Variants in KMT2C observed in about 807,000 individuals in gnomAD.
KMT2C encodes the protein histone-lysine N-methyltransferase 2C.
Under a neutral mutation model 507.9 loss-of-function variants are expected in KMT2C, and 88 were observed. The ratio of observed to expected loss-of-function variants is 0.17; its 90% confidence interval spans 0.15 to 0.21. The LOEUF is 0.21. Ranked by LOEUF, KMT2C falls within the 10% of genes least tolerant of loss-of-function variation. The pLI is 1.00. For missense variants in KMT2C, 4,954 were observed against 5,957.8 expected (o/e 0.83, Z 5.55); for synonymous variants, 2,049 against 2,080.8 (o/e 0.98, Z 0.42).
At position 152,315,188 on chromosome 7, in the gene KMT2C, G is replaced by C. The variant is rs2129202519; in HGVS notation, c.540C>G (p.Thr180=). The part of the protein sequence containing the change: ...KKDIDDNSNG[T]YEKMQNSAPR... ...GTGCTGAGTTTTGCATTTTCTCATA[G>C]GTTCCATTGCTGTTGTCATCAATGT... is the stretch of plus-strand genomic sequence containing the variant. The change falls in exon 4 of 59, where the codon ACC becomes ACG. Residue 180 remains threonine, a synonymous_variant. Coordinates refer to ENST00000262189, the MANE Select transcript of KMT2C (RefSeq NM_170606.3). 4.3e-6 allele frequency: 7 copies of C among 1,614,002 alleles called. No individual in the cohort carries two copies. Among genetic ancestry groups the C allele is most frequent in the Non-Finnish European group, 5.1e-6 (6 of 1,179,964 alleles).
chr7:152,200,216 G>A (rs2129133604), intron 26 of KMT2C, among the ~76,000 whole-genome samples: 1 of 152,196 alleles, frequency 6.6e-6, no homozygotes, highest in South Asian at 2.1e-4. Context: ...ACACATTCTT[G>A]CCAAACATGC....
Position 152,303,373 on chromosome 7 carries a change from A to C in KMT2C, c.849+6593T>G, listed in dbSNP as rs545553816. 5.3e-5 allele frequency among the ~76,000 whole-genome samples: 8 copies of C among 152,318 alleles called. No individual in the cohort carries two copies. In the East Asian group the frequency reaches 1.5e-3, roughly 29 times the overall value. On this transcript the variant is annotated intron_variant, in intron 6 of 58. Transcript: ENST00000262189. ...GGGAGGCTGTCCTGCATATTGCAGA[A>C]TGTTTAGCGGCAGTCCTGGCCTCTA...
At chr7:152,364,108 TGA>T (rs2097217786) in intron 1 of KMT2C, among the ~76,000 whole-genome samples, 2 of 152,340 alleles carry the variant, frequency 1.3e-5, no homozygotes, top group African/African-American at 4.8e-5. Context: ...CAACTTATCC[TGA>T]GAGTGACTCT....
At chr7:152,272,212 C>T (rs115088346) in intron 7 of KMT2C, among the ~76,000 whole-genome samples, 1 of 152,162 alleles carries the variant, frequency 6.6e-6, no homozygotes, top group East Asian at 1.9e-4. Flanking sequence ...AGCATATTAT[C>T]TCACCTCAGT....
intron 14 of KMT2C, among the ~76,000 whole-genome samples, chr7:152,246,348 A>C (rs973159672): frequency 1.3e-5 from 2 of 152,150 alleles, no homozygotes; most frequent in African/African-American, 4.8e-5. Context: ...AGAAAAATAG[A>C]AAGATTATCA....
intron 1 of KMT2C, among the ~76,000 whole-genome samples, chr7:152,427,200 G>A (rs2097827302): frequency 6.6e-6 from 1 of 152,026 alleles, no homozygotes; most frequent in Admixed American, 6.6e-5. Context: ...AGTTTTAGTA[G>A]AGACGGGGTT....
intron 23 of KMT2C, among the ~76,000 whole-genome samples, chr7:152,217,204 G>A (rs574545585): frequency 2.0e-5 from 3 of 152,042 alleles, no homozygotes; most frequent in African/African-American, 4.8e-5. Flanking sequence ...AGAAATCTCA[G>A]CATAATGTAA....
chr7:152,296,467 A>G (rs188189998), intron 6 of KMT2C, among the ~76,000 whole-genome samples: 97 of 151,108 alleles, frequency 6.4e-4, no homozygotes, highest in African/African-American at 2.2e-3. Flanking sequence ...GAGAGAGAGA[A>G]ATATGCTAGG....
At chr7:152,385,946 G>T (rs930357968) in intron 1 of KMT2C, among the ~76,000 whole-genome samples, 1 of 151,800 alleles carries the variant, frequency 6.6e-6, no homozygotes, top group African/African-American at 2.4e-5. Context: ...AAATTAGCCT[G>T]GCGTGGTAGC....
At chr7:152,290,771 A>G (rs200439787) in intron 6 of KMT2C, among the ~76,000 whole-genome samples, 5 of 151,604 alleles carry the variant, frequency 3.3e-5, no homozygotes, top group Non-Finnish European at 4.4e-5. Flanking sequence ...TCATTCTTAT[A>G]GTATCTTTTA....
At position 152,203,770 on chromosome 7, in the gene KMT2C, G is replaced by A. The variant is rs935466464; in HGVS notation, c.3962-706C>T. ...TATGGGCACTCTACCACCAGACTAC[G>A]TAAGTGAATTGACTCTTCTGAAAAC... On this transcript the variant is annotated intron_variant, in intron 25 of 58. Transcript: ENST00000262189. Among the ~76,000 whole-genome samples the A allele has an allele frequency of 4.6e-5, 7 of 152,202 alleles. No individual in the cohort carries two copies. The East Asian group carries it at 5.8e-4, about 13-fold the overall frequency.
At chr7:152,340,285 T>C (rs1020436767) in intron 2 of KMT2C, among the ~76,000 whole-genome samples, 2 of 151,762 alleles carry the variant, frequency 1.3e-5, no homozygotes, top group South Asian at 2.1e-4. Flanking sequence ...ACCATCACCA[T>C]GCCCAGCCTA....
At chr7:152,362,064 T>C (rs2097201704) in intron 1 of KMT2C, among the ~76,000 whole-genome samples, 1 of 152,160 alleles carries the variant, frequency 6.6e-6, no homozygotes, top group South Asian at 2.1e-4. Flanking sequence ...AACTACATTC[T>C]AGTGAGAAGA....
At chr7:152,219,884 T>A (rs1016174795) in intron 23 of KMT2C, among the ~76,000 whole-genome samples, 2 of 151,966 alleles carry the variant, frequency 1.3e-5, no homozygotes, top group African/African-American at 4.8e-5. Flanking sequence ...GCATCCATGG[T>A]CCCAGCTACT....
chr7:152,434,791 T>C (rs1450433075), intron 1 of KMT2C, among the ~76,000 whole-genome samples: 1 of 152,210 alleles, frequency 6.6e-6, no homozygotes, highest in Non-Finnish European at 1.5e-5. Context: ...CCAGCCCTAC[T>C]GTACGCTCAA....
rs2129113418 is a variant in KMT2C at position 152,176,660 on chromosome 7, G to A, written c.8793C>T (p.Asp2931=). Residue 2931 remains aspartate, a synonymous_variant, in exon 38 of 59, where the codon GAC becomes GAT. Transcript: ENST00000262189. The part of the protein sequence containing the change: ...LLANEKSDNS[D]IRPSGSPPPP... ...GTGGTGGAGACCCCGATGGCCTAAT[G>A]TCTGAATTATCAGATTTCTCATTAG... 6.2e-7 allele frequency: 1 copy of A among 1,614,204 alleles called. No individual in the cohort carries two copies. The highest frequency in any genetic ancestry group is 1.7e-5 in the Admixed American group (1 of 60,024).
intron 3 of KMT2C, among the ~76,000 whole-genome samples, chr7:152,321,774 T>A (rs1250170358): frequency 1.3e-5 from 2 of 151,762 alleles, no homozygotes; most frequent in East Asian, 3.8e-4. Flanking sequence ...TAAGAAAACA[T>A]CAAGAAATGG....
At chr7:152,321,536 A>G (rs1200146615) in intron 3 of KMT2C, among the ~76,000 whole-genome samples, 1 of 151,896 alleles carries the variant, frequency 6.6e-6, no homozygotes, top group Non-Finnish European at 1.5e-5. Context: ...AGACTCCACC[A>G]AAAAACTGTT....
chr7:152,347,271 C>T (rs1270422968), intron 2 of KMT2C, among the ~76,000 whole-genome samples: 3 of 152,212 alleles, frequency 2.0e-5, no homozygotes, highest in Non-Finnish European at 4.4e-5. Flanking sequence ...ATCTATGGTA[C>T]ACATCAAGCA....
Sources: gnomAD v4.1 joint callset for allele counts (sites outside exome capture counted in the v4.1 genomes callset) on GRCh38, gnomAD v4.1.1 for gene constraint, MANE v1.5 for transcripts, NCBI Gene and HGNC (gene_info 2026-07-23, HGNC 2026-07-21) for gene names.